LSAMP: variants seen among roughly 807,000 people sequenced by gnomAD.
LSAMP encodes limbic system associated membrane protein, also known as limbic system-associated membrane protein.
A neutral mutation model predicts 38.6 loss-of-function variants in LSAMP; 7 were observed. The observed-to-expected ratio is 0.18, with a 90% confidence interval of 0.10 to 0.34. The LOEUF is 0.34. LSAMP is among the 10% of genes least tolerant of loss of function. The pLI is 1.00. For missense variants in LSAMP, 313 were observed against 420.0 expected, an observed-to-expected ratio of 0.75 and a Z score of 2.23; for synonymous variants, 154 against 166.8, an observed-to-expected ratio of 0.92 and a Z score of 0.59.
intron 1 of LSAMP, among the ~76,000 whole-genome samples, chr3:116,344,507 C>A (rs766124579): frequency 2.6e-5 from 4 of 152,016 alleles, no homozygotes; most frequent in Non-Finnish European, 5.9e-5. Context: ...TACTCATAAC[C>A]CTACCTTCAC....
At position 115,808,749 on chromosome 3, in the gene LSAMP, C is replaced by T. The variant is rs1004610450; in HGVS notation, c.*1568G>A. On this transcript the variant is annotated 3_prime_UTR_variant, in exon 7 of 7. Transcript: ENST00000490035. ...TGCAGGCAACCAAATAAAACATTAACCTAGAACACTGGGAAAAACATCTGC... is the reference window on the plus strand; with the variant it reads ...TGCAGGCAACCAAATAAAACATTAATCTAGAACACTGGGAAAAACATCTGC... 2 of 152,196 alleles carry T rather than the reference C, an allele frequency of 1.3e-5. No individual in the cohort carries two copies. The highest frequency in any genetic ancestry group is 3.8e-4 in the East Asian group (2 of 5,196). The allele number at this position is 152,196 out of a possible 1,614,324, so 9.4% of individuals were successfully genotyped here. A position where few individuals can be genotyped will look rare whatever the true frequency, so the allele number is the denominator to read the frequency against.
chr3:116,274,954 CAA>C (rs10662824), intron 1 of LSAMP, among the ~76,000 whole-genome samples: 16,426 of 136,290 alleles, frequency 0.12, 1,066 homozygotes, highest in African/African-American at 0.16. Context: ...TAAAAATAGC[CAA>C]AAAAAAAAAA....
At chr3:116,266,577 G>A (rs2046894692) in intron 1 of LSAMP, among the ~76,000 whole-genome samples, 1 of 152,124 alleles carries the variant, frequency 6.6e-6, no homozygotes, top group Admixed American at 6.5e-5. Flanking sequence ...CCAGTGATGG[G>A]AGATGAGCAT....
intron 1 of LSAMP, among the ~76,000 whole-genome samples, chr3:116,104,624 G>A (rs1244571186): frequency 2.0e-5 from 3 of 152,178 alleles, no homozygotes; most frequent in Non-Finnish European, 4.4e-5. Context: ...AGATACTGGA[G>A]TTGCACAGGA....
intron 3 of LSAMP, among the ~76,000 whole-genome samples, chr3:116,015,199 C>T (rs1044212400): frequency 6.6e-6 from 1 of 152,170 alleles, no homozygotes; most frequent in Non-Finnish European, 1.5e-5. Flanking sequence ...GTTAAATCCT[C>T]AGTGTGCCTT....
At chr3:116,375,647 G>A (rs1295484862) in intron 1 of LSAMP, among the ~76,000 whole-genome samples, 3 of 151,676 alleles carry the variant, frequency 2.0e-5, no homozygotes, top group Non-Finnish European at 4.4e-5. Context: ...TAACTACAGT[G>A]CTCAATGATA....
chr3:115,897,883 G>A (rs897233309), intron 3 of LSAMP, among the ~76,000 whole-genome samples: 15 of 152,060 alleles, frequency 9.9e-5, no homozygotes, highest in African/African-American at 3.4e-4. Context: ...GGCAAATTTG[G>A]TATATGAGAG....
At chr3:116,356,104 GTTTCATAGAAGAGATAACTGCA>G (rs1472512421) in intron 1 of LSAMP, among the ~76,000 whole-genome samples, 1 of 146,578 alleles carries the variant, frequency 6.8e-6, no homozygotes, top group Non-Finnish European at 1.5e-5. Context: ...GGAAATCAGT[GTTTCATAGAAGAGATAACTGCA>G]TTTCAATGTT....
chr3:115,967,511 C>T (rs576862990), intron 3 of LSAMP, among the ~76,000 whole-genome samples: 10 of 152,290 alleles, frequency 6.6e-5, no homozygotes, highest in Non-Finnish European at 8.8e-5. Flanking sequence ...GTTCCAAAGT[C>T]GCTTCCACAT....
rs886630630 is a variant in LSAMP at position 116,390,478 on chromosome 3, A to G, written c.155+54399T>C. 5.6e-4 allele frequency among the ~76,000 whole-genome samples: 86 copies of G among 152,264 alleles called. 1 individual carries two copies. Among genetic ancestry groups the G allele is most frequent in the African/African-American group, 2.0e-3 (84 of 41,532 alleles). On this transcript the variant is annotated intron_variant, in intron 1 of 6. Coordinates refer to ENST00000490035, the MANE Select transcript of LSAMP (RefSeq NM_002338.5). The stretch of plus-strand genomic sequence containing the variant: ...ATTCCAAAGAATAGTCAGGTATGAG[A>G]GCAAGGAAATGTATAACAGCATGGT...
At chr3:116,112,075 G>A (rs752849494) in intron 1 of LSAMP, among the ~76,000 whole-genome samples, 2 of 152,342 alleles carry the variant, frequency 1.3e-5, no homozygotes, top group East Asian at 1.9e-4. Flanking sequence ...GATGAGGCCT[G>A]CTTTCTTTCA....
chr3:115,944,025 A>G (rs1435996958), intron 3 of LSAMP, among the ~76,000 whole-genome samples: 2 of 152,206 alleles, frequency 1.3e-5, no homozygotes, highest in Non-Finnish European at 1.5e-5. Flanking sequence ...CCACAGATTT[A>G]CAATGCAGCA....
chr3:116,422,982 C>G (rs2049148704), intron 1 of LSAMP, among the ~76,000 whole-genome samples: 1 of 152,168 alleles, frequency 6.6e-6, no homozygotes, highest in African/African-American at 2.4e-5. Context: ...CCTCTTCAAT[C>G]AGAATGTAAG....
At chr3:116,231,050 G>A (rs2046397470) in intron 1 of LSAMP, among the ~76,000 whole-genome samples, 2 of 152,136 alleles carry the variant, frequency 1.3e-5, no homozygotes, top group African/African-American at 4.8e-5. Context: ...ACACAAAGAA[G>A]CTATACTTTC....
chr3:116,245,105 G>A (rs771632188), intron 1 of LSAMP, among the ~76,000 whole-genome samples: 1 of 152,144 alleles, frequency 6.6e-6, no homozygotes, highest in Non-Finnish European at 1.5e-5. Flanking sequence ...TTAAGTTAAA[G>A]CGAGATCATT....
intron 3 of LSAMP, among the ~76,000 whole-genome samples, chr3:115,892,150 TAAGCAAA>T (rs1269504889): frequency 6.6e-6 from 1 of 151,992 alleles, no homozygotes; most frequent in African/African-American, 2.4e-5. Flanking sequence ...CTGTAAATTT[TAAGCAAA>T]ATGGTTCAAA....
intron 1 of LSAMP, among the ~76,000 whole-genome samples, chr3:116,164,628 AATAT>A (rs369789482): frequency 9.9e-5 from 9 of 91,210 alleles, no homozygotes; most frequent in South Asian, 3.4e-4. Flanking sequence ...ATATAATCCA[AATAT>A]ATATATATAT....
intron 3 of LSAMP, among the ~76,000 whole-genome samples, chr3:115,922,577 ATT>A (rs1166673399): frequency 6.6e-5 from 10 of 151,910 alleles, no homozygotes; most frequent in African/African-American, 2.4e-4. Flanking sequence ...GAAGATTTAT[ATT>A]GTTTCTTTCC....
intron 3 of LSAMP, among the ~76,000 whole-genome samples, chr3:116,012,512 T>G (rs1940359250): frequency 6.6e-6 from 1 of 152,190 alleles, no homozygotes; most frequent in Non-Finnish European, 1.5e-5. Flanking sequence ...TGAGAATGGA[T>G]ATATGAATAA....
Sources: gnomAD v4.1 joint callset for allele counts (sites outside exome capture counted in the v4.1 genomes callset) on GRCh38, gnomAD v4.1.1 for gene constraint, MANE v1.5 for transcripts, NCBI Gene and HGNC (gene_info 2026-07-23, HGNC 2026-07-21) for gene names.